LRP5: variants seen among roughly 807,000 people sequenced by gnomAD.
LRP5 encodes the protein LDL receptor related protein 5.
Under a neutral mutation model 154.1 loss-of-function variants are expected in LRP5, and 62 were observed. The ratio of observed to expected loss-of-function variants is 0.40; its 90% CI spans 0.33 to 0.50. LRP5 has a LOEUF of 0.50. LRP5 is among the 20% of genes least tolerant of loss of function. The pLI is 0.55. For synonymous variants in LRP5, 966 were observed against 1,011.5 expected (o/e 0.96, Z 0.85); for missense variants, 1,915 against 2,336.7 (o/e 0.82, Z 3.72).
intron 1 of LRP5, among the ~76,000 whole-genome samples, chr11:68,321,062 T>G (rs865837994): frequency 0.077 from 10,427 of 134,584 alleles, 259 homozygotes; most frequent in African/African-American, 0.15. Flanking sequence ...GTCTGGGTTT[T>G]TTTTTTTTTT....
intron 1 of LRP5, among the ~76,000 whole-genome samples, chr11:68,341,216 CCACCGTGTTTCTGAAAGGTTTGTTCTG>C (rs1199340931): frequency 2.6e-5 from 4 of 151,948 alleles, no homozygotes; most frequent in Admixed American, 2.6e-4. Context: ...GCGGCAGTCA[CCACCGTGTTTCTGAAAGGTTTGTTCTG>C]CACTCTGGGC....
intron 17 of LRP5, 61 bp from the exon 18 acceptor site, chr11:68,433,541 C>T: frequency 7.0e-7 from 1 of 1,426,066 alleles, no homozygotes; most frequent in South Asian, 1.1e-5. Context: ...CCCAGTCACG[C>T]CATTGCCTGG....
At chr11:68,309,534 A>G (rs2098586449), upstream of LRP5, among the ~76,000 whole-genome samples, 2 of 149,918 alleles carry the variant, frequency 1.3e-5, 1 homozygote, top group South Asian at 4.2e-4. Context: ...CATCCAGCCC[A>G]TAGTCCCTTT....
intron 5 of LRP5, among the ~76,000 whole-genome samples, chr11:68,380,718 G>A (rs1368300401): frequency 1.3e-5 from 2 of 152,190 alleles, no homozygotes; most frequent in African/African-American, 4.8e-5. Context: ...TGTGGTGGGC[G>A]GGGCAGTGCC....
At chr11:68,421,152 G>A (rs111934438) in intron 13 of LRP5, among the ~76,000 whole-genome samples, 133 of 152,214 alleles carry the variant, frequency 8.7e-4, no homozygotes, top group Non-Finnish European at 1.4e-3. Context: ...GCGTGAACCC[G>A]GGAGGCGGAG....
At chr11:68,395,836 G>A (rs557541082) in intron 7 of LRP5, among the ~76,000 whole-genome samples, 3 of 152,084 alleles carry the variant, frequency 2.0e-5, no homozygotes, top group African/African-American at 4.8e-5. Flanking sequence ...AGTTTGGTGC[G>A]TCTTTTCCTC....
In LRP5 at chr11:68,411,489, T is replaced by C. The variant is rs776734260; in HGVS notation, c.2372T>C (p.Met791Thr). ...AAGCCGAGGATCGTGCGGGCCTTCA[T>C]GGACGGGACCAACTGCATGACGCTG... is the stretch of plus-strand genomic sequence containing the variant. ...GGKPRIVRAFMDGTNCMTLVD... is the reference protein window; with the variant it reads ...GGKPRIVRAFTDGTNCMTLVD... The change falls in exon 11 of 23, where the codon ATG (methionine) becomes ACG (threonine). Residue 791 changes from methionine to threonine, a missense_variant. Met to Thr is a moderately conservative substitution (Grantham distance 81, BLOSUM62 -1). This residue lies in a region of LRP5 where 773 missense variants were observed against 1,100.9 expected (regional missense o/e 0.70). Transcript: ENST00000294304. 21 of 1,613,580 alleles carry C rather than the reference T, an allele frequency of 1.3e-5. No individual in the cohort carries two copies. The highest frequency in any genetic ancestry group is 1.7e-5 in the Non-Finnish European group (20 of 1,180,024).
intron 5 of LRP5, among the ~76,000 whole-genome samples, chr11:68,366,462 G>T (rs2098631118): frequency 6.6e-6 from 1 of 152,116 alleles, no homozygotes; most frequent in Non-Finnish European, 1.5e-5. Flanking sequence ...GAGCACATGG[G>T]GGTCCTGACT....
chr11:68,372,631 C>G (rs1193941368), intron 5 of LRP5, among the ~76,000 whole-genome samples: 1 of 152,142 alleles, frequency 6.6e-6, no homozygotes, highest in Non-Finnish European at 1.5e-5. Flanking sequence ...ATTATACTCC[C>G]CGCTCCATGG....
chr11:68,348,101 G>A lies in LRP5; in HGVS notation c.346G>A (p.Asp116Asn), dbSNP rs778613031. 5 of 1,614,100 alleles carry A rather than the reference G, an allele frequency of 3.1e-6. No homozygotes were observed. The highest frequency in any genetic ancestry group is 4.5e-5 in the East Asian group (2 of 44,880). Residue 116 changes from aspartate (D) to asparagine (N), a missense_variant, in exon 2 of 23, where the codon GAC (aspartate) becomes AAC (asparagine). This residue lies in a region of LRP5 where 773 missense variants were observed against 1,100.9 expected (regional missense o/e 0.70). Coordinates refer to ENST00000294304, the MANE Select transcript of LRP5 (RefSeq NM_002335.4). ...GLVSPDGLAC[D>N]WVGKKLYWTD... Reference sequence around the variant, plus strand: ...GGTCTCTCCCGACGGCCTCGCCTGCGACTGGGTGGGCAAGAAGCTGTACTG... The same window carrying A: ...GGTCTCTCCCGACGGCCTCGCCTGCAACTGGGTGGGCAAGAAGCTGTACTG...
chr11:68,358,786 C>T (rs1475618859), intron 3 of LRP5, among the ~76,000 whole-genome samples: 1 of 152,238 alleles, frequency 6.6e-6, no homozygotes, highest in Non-Finnish European at 1.5e-5. Flanking sequence ...AACATCCCTT[C>T]TGTGTACAGG....
chr11:68,311,103 G>C (rs1039947813), upstream of LRP5, among the ~76,000 whole-genome samples: 2 of 152,176 alleles, frequency 1.3e-5, no homozygotes, highest in African/African-American at 4.8e-5. Context: ...GAAGAGCTGG[G>C]AGTCTGGGTC....
At chr11:68,403,160 G>A (rs1327713264) in intron 7 of LRP5, among the ~76,000 whole-genome samples, 10 of 152,152 alleles carry the variant, frequency 6.6e-5, no homozygotes, top group East Asian at 1.9e-4. Flanking sequence ...CAGGAGAATC[G>A]CTTGAACCTG....
At chr11:68,349,458 G>A (rs1297763789) in intron 2 of LRP5, among the ~76,000 whole-genome samples, 1 of 152,214 alleles carries the variant, frequency 6.6e-6, no homozygotes, top group Non-Finnish European at 1.5e-5. Context: ...CGGACGCTCA[G>A]GCAGGTGGAA....
At chr11:68,339,612 C>T (rs1164421382) in intron 1 of LRP5, among the ~76,000 whole-genome samples, 2 of 152,164 alleles carry the variant, frequency 1.3e-5, no homozygotes, top group African/African-American at 4.8e-5. Context: ...TCCCAAAGTC[C>T]TGGGATTACA....
At chr11:68,412,021 C>T (rs1033636409) in intron 11 of LRP5, among the ~76,000 whole-genome samples, 9 of 152,168 alleles carry the variant, frequency 5.9e-5, no homozygotes, top group African/African-American at 2.2e-4. Context: ...GATACCAGGG[C>T]CAGCACTCGA....
rs143092435 is a variant in LRP5 at position 68,389,019 on chromosome 11, A to G, written c.1413-862A>G. Among the ~76,000 whole-genome samples, 14 of 152,252 alleles carry G rather than the reference A, an allele frequency of 9.2e-5. No individual in the cohort carries two copies. In the East Asian group the frequency reaches 2.7e-3, roughly 29 times the overall value. On this transcript the variant is annotated intron_variant, in intron 6 of 22. Transcript: ENST00000294304. ...ACACTGTTTACCAACACTGACATCT[A>G]CTGACACTGGCATCTACCAACACTG... is the stretch of plus-strand genomic sequence containing the variant.
intron 5 of LRP5, among the ~76,000 whole-genome samples, chr11:68,366,086 CA>C (rs2098630915): frequency 6.6e-6 from 1 of 152,078 alleles, no homozygotes; most frequent in Non-Finnish European, 1.5e-5. Flanking sequence ...TTCGGGAAAT[CA>C]CACACGTTCA....
chr11:68,325,802 T>C (rs2153116120), intron 1 of LRP5, among the ~76,000 whole-genome samples: 1 of 152,312 alleles, frequency 6.6e-6, no homozygotes. Context: ...GAGCTCAGTT[T>C]CCCCATCCGT....
Sources: gnomAD v4.1 joint callset for allele counts (sites outside exome capture counted in the v4.1 genomes callset) on GRCh38, gnomAD v4.1.1 for gene constraint, gnomAD v4.1.1 regional missense constraint, MANE v1.5 for transcripts, NCBI Gene and HGNC (gene_info 2026-07-23, HGNC 2026-07-21) for gene names.